The following WBP2 variants were observed in gnomAD, a reference collection of about 807,000 sequenced individuals.
The protein encoded by WBP2 is WW domain-binding protein 2.
In WBP2, 23 loss-of-function variants were observed where a neutral mutation model predicts 33.0. The ratio of observed to expected loss-of-function variants is 0.70; its 90% CI spans 0.50 to 0.99. WBP2 has a LOEUF of 0.99. Among genes scored for constraint, WBP2 ranks in the 50% least tolerant of loss-of-function variants. WBP2 has a pLI of 0.00. For synonymous variants in WBP2, 153 were observed against 133.5 expected (o/e 1.15, Z -1.01); for missense variants, 353 against 358.0 (o/e 0.99, Z 0.11).
intron 1 of WBP2, chr17:75,852,762 C>G: frequency 1.0e-6 from 1 of 985,058 alleles, no homozygotes; most frequent in Non-Finnish European, 1.2e-6. Flanking sequence ...GCCAACTCTT[C>G]TATTTTCTTT....
chr17:75,848,801 C>A, intron 3 of WBP2, 139 bp from the exon 4 acceptor site: 1 of 726,356 alleles, frequency 1.4e-6, no homozygotes. Context: ...ATGGGGACTT[C>A]CTGGTGCCAT....
At chr17:75,847,071 G>T in intron 6 of WBP2, 87 bp from the exon 7 acceptor site, 1 of 1,478,344 alleles carries the variant, frequency 6.8e-7, no homozygotes, top group Non-Finnish European at 9.3e-7. Context: ...ATGGCTCGGG[G>T]CAGCTGGTGC....
At chr17:75,854,767 G>A (rs1046489787) in intron 1 of WBP2, among the ~76,000 whole-genome samples, 1 of 152,034 alleles carries the variant, frequency 6.6e-6, no homozygotes, top group Admixed American at 6.6e-5. Context: ...TGCGATCTCG[G>A]GCAAGTTACT....
chr17:75,851,538 C>CT, intron 2 of WBP2, 30 bp downstream of exon 2: 1 of 1,562,398 alleles, frequency 6.4e-7, no homozygotes, highest in Non-Finnish European at 8.8e-7. Context: ...CAACAAGCCT[C>CT]TCAACCAACT....
chr17:75,847,437 G>C, intron 6 of WBP2, 50 bp downstream of exon 6: 1 of 1,569,550 alleles, frequency 6.4e-7, no homozygotes, highest in Non-Finnish European at 8.6e-7. Context: ...TGCGACATCG[G>C]GGAGGAGAGG....
At chr17:75,853,226 A>AC (rs11382097) in intron 1 of WBP2, among the ~76,000 whole-genome samples, 31,529 of 151,888 alleles carry the variant, frequency 0.21, 3,514 homozygotes, top group African/African-American at 0.28. Flanking sequence ...TTTTGTGTTT[A>AC]GTAGAGACGA....
chr17:75,854,490 T>C (rs1206009678), intron 1 of WBP2, among the ~76,000 whole-genome samples: 1 of 152,066 alleles, frequency 6.6e-6, no homozygotes, highest in Non-Finnish European at 1.5e-5. Context: ...AACCTTGAAT[T>C]AGGAGAGCTC....
chr17:75,850,836 G>C (rs2065023810), intron 2 of WBP2, among the ~76,000 whole-genome samples: 1 of 152,098 alleles, frequency 6.6e-6, no homozygotes, highest in Non-Finnish European at 1.5e-5. Flanking sequence ...TGAGACTAGA[G>C]GCATGTGCCA....
At chr17:75,853,013 G>A (rs774010921) in intron 1 of WBP2, among the ~76,000 whole-genome samples, 4 of 152,070 alleles carry the variant, frequency 2.6e-5, no homozygotes, top group African/African-American at 4.8e-5. Flanking sequence ...AGGAGTTCAC[G>A]ACTTGAAGAG....
chr17:75,847,032 T>C (rs2064997400), intron 6 of WBP2, 48 bp from the exon 7 acceptor site: 1 of 1,609,606 alleles, frequency 6.2e-7, no homozygotes, highest in African/African-American at 1.3e-5. Flanking sequence ...CTCCTCCCCC[T>C]GAGCTCAGCT....
chr17:75,850,973 C>T (rs1197578415), intron 2 of WBP2, among the ~76,000 whole-genome samples: 1 of 152,222 alleles, frequency 6.6e-6, no homozygotes, highest in Non-Finnish European at 1.5e-5. Context: ...GGATTACAGG[C>T]ATGAGCCTCC....
chr17:75,854,333 C>T (rs9894009), intron 1 of WBP2, among the ~76,000 whole-genome samples: 44,314 of 151,944 alleles, frequency 0.29, 8,093 homozygotes, highest in African/African-American at 0.52. Flanking sequence ...AATTCAGGGT[C>T]GGCATAGTTC....
In WBP2 at chr17:75,846,720, G is replaced by T; in HGVS notation, c.*14C>A. ...GTAGAGAGATGAGGGTGGGAGGCAG[G>T]GAGGCAGGAGGGCCTACTGGGTCTT... On this transcript the variant is annotated 3_prime_UTR_variant, in exon 8 of 8. Coordinates refer to ENST00000254806, the MANE Select transcript of WBP2 (RefSeq NM_012478.4). This position sits in a 1 kb window ranked among gnomAD's most constrained non-coding sequence, Gnocchi z 4.8. 1 of 1,513,598 alleles carries T rather than the reference G, an allele frequency of 6.6e-7. No homozygotes were observed. The highest frequency in any genetic ancestry group is 8.9e-7 in the Non-Finnish European group (1 of 1,127,886). The allele number at this position is 1,513,598 out of a possible 1,614,324, so 93.8% of individuals were successfully genotyped here.
chr17:75,855,423 A>G, upstream of WBP2: 1 of 1,012,358 alleles, frequency 9.9e-7, no homozygotes, highest in Non-Finnish European at 1.5e-6. Context: ...GCTGGCCCAA[A>G]CACCTGACCC....
In WBP2 at chr17:75,847,851, G is replaced by A. The variant is rs374107026; in HGVS notation, c.477C>T (p.Val159=). 146 of 1,557,536 alleles carry A rather than the reference G, an allele frequency of 9.4e-5. 1 individual carries two copies. The highest frequency in any genetic ancestry group is 9.2e-4 in the South Asian group (78 of 84,694). ...PSGAYVYPPP[V]ANGMYPCPPG... The stretch of plus-strand genomic sequence containing the variant: ...GAGGGCAGGGGTACATTCCATTGGC[G>A]ACTGGCGGGGGATAGACATAGGCCC... The change falls in exon 5 of 8, where the codon GTC becomes GTT. Residue 159 remains valine, a synonymous_variant. Coordinates refer to ENST00000254806, the MANE Select transcript of WBP2 (RefSeq NM_012478.4).
intron 2 of WBP2, chr17:75,851,163 G>A (rs1599423961): frequency 1.7e-5 from 3 of 174,498 alleles, no homozygotes; most frequent in African/African-American, 4.7e-5. Context: ...TGCCCAGTCC[G>A]GAGGCCGTGC....
intron 4 of WBP2, chr17:75,848,263 C>T: frequency 6.9e-6 from 4 of 579,186 alleles, no homozygotes; most frequent in South Asian, 2.0e-5. Flanking sequence ...TCAATGGCTG[C>T]GGAACCGCAG....
chr17:75,853,804 G>C (rs990723067), intron 1 of WBP2, among the ~76,000 whole-genome samples: 3 of 152,082 alleles, frequency 2.0e-5, no homozygotes, highest in African/African-American at 4.8e-5. Context: ...CCAATACTTT[G>C]GGAGGCCGAG....
upstream of WBP2, chr17:75,855,475 T>C (rs1003761151): frequency 3.1e-6 from 2 of 639,404 alleles, no homozygotes; most frequent in Admixed American, 2.7e-5. Context: ...TTCCAGTTCC[T>C]CCTGCGCAAC....
Sources: allele counts gnomAD v4.1 joint callset (sites outside exome capture counted in the v4.1 genomes callset), GRCh38; gene constraint gnomAD v4.1.1; non-coding constraint Gnocchi (gnomAD v3.1); transcripts MANE v1.5; gene names NCBI Gene and HGNC (gene_info 2026-07-23, HGNC 2026-07-21).